DPYD: variants seen among roughly 807,000 people sequenced by gnomAD.
DPYD encodes the protein dihydropyrimidine dehydrogenase [NADP(+)].
Under a neutral mutation model 116.2 loss-of-function variants are expected in DPYD, and 109 were observed. The ratio of observed to expected loss-of-function variants is 0.94; its 90% CI spans 0.80 to 1.10. The LOEUF is 1.10. DPYD is among the 50% of genes least tolerant of loss of function. The pLI, the probability that DPYD is intolerant of heterozygous loss-of-function variation, is 0.00. For synonymous variants in DPYD, 440 were observed against 432.0 expected, an observed-to-expected ratio of 1.02 and a Z score of -0.23; for missense variants, 1,302 against 1,254.5, an observed-to-expected ratio of 1.04 and a Z score of -0.57.
chr1:97,909,920 A>T (rs912850135), intron 1 of DPYD, among the ~76,000 whole-genome samples: 3 of 152,192 alleles, frequency 2.0e-5, no homozygotes, highest in Non-Finnish European at 2.9e-5. Flanking sequence ...ATGCCATTAC[A>T]TATTAAATTT....
chr1:97,301,939 C>T (rs1194032347), intron 18 of DPYD, among the ~76,000 whole-genome samples: 4 of 151,714 alleles, frequency 2.6e-5, no homozygotes, highest in African/African-American at 9.7e-5. Context: ...CAAACTAAAA[C>T]AAGAAAAAAA....
chr1:97,242,124 GTA>G (rs71590220), intron 18 of DPYD, among the ~76,000 whole-genome samples: 802 of 35,770 alleles, frequency 0.022, 14 homozygotes, highest in Non-Finnish European at 0.028. Flanking sequence ...GTGTGCGTGT[GTA>G]TATATATATA....
At chr1:97,915,167 T>C (rs1674154204) in intron 1 of DPYD, among the ~76,000 whole-genome samples, 1 of 152,044 alleles carries the variant, frequency 6.6e-6, no homozygotes, top group Non-Finnish European at 1.5e-5. Flanking sequence ...GAAGAAGAAA[T>C]GGCAGTCCAA....
intron 8 of DPYD, among the ~76,000 whole-genome samples, chr1:97,655,038 C>T (rs906744576): frequency 2.0e-5 from 3 of 152,122 alleles, no homozygotes; most frequent in Admixed American, 6.6e-5. Flanking sequence ...TCTCCCACCC[C>T]GTCCCTCTCA....
intron 5 of DPYD, chr1:97,720,276 A>T (rs757686238): frequency 6.1e-6 from 6 of 985,232 alleles, no homozygotes; most frequent in Non-Finnish European, 7.2e-6. Flanking sequence ...GTTGATATAC[A>T]TACTATGTGA....
At chr1:97,810,254 T>A (rs1431191443) in intron 3 of DPYD, among the ~76,000 whole-genome samples, 4 of 117,202 alleles carry the variant, frequency 3.4e-5, no homozygotes, top group African/African-American at 1.3e-4. Context: ...GCCACTGCAC[T>A]CCAGCCTGGG....
intron 18 of DPYD, among the ~76,000 whole-genome samples, chr1:97,270,461 T>C (rs1481354626): frequency 6.6e-6 from 1 of 152,174 alleles, no homozygotes; most frequent in Non-Finnish European, 1.5e-5. Context: ...CTGTGAAAGA[T>C]CATTAACTAC....
At chr1:97,640,292 A>G (rs764985073) in intron 8 of DPYD, among the ~76,000 whole-genome samples, 7 of 151,444 alleles carry the variant, frequency 4.6e-5, no homozygotes, top group Non-Finnish European at 8.8e-5. Context: ...TTTACTTACA[A>G]ATTTCTTTTA....
intron 13 of DPYD, among the ~76,000 whole-genome samples, chr1:97,501,792 G>A (rs1407981177): frequency 1.3e-5 from 2 of 151,922 alleles, no homozygotes; most frequent in South Asian, 2.1e-4. Flanking sequence ...GCGTTTTTTA[G>A]TTTTCTTTGA....
chr1:97,373,001 A>C (rs1671385027), intron 16 of DPYD, among the ~76,000 whole-genome samples: 1 of 152,208 alleles, frequency 6.6e-6, no homozygotes, highest in Admixed American at 6.5e-5. Context: ...CTATATATTA[A>C]CATATTATTT....
intron 20 of DPYD, among the ~76,000 whole-genome samples, chr1:97,170,620 C>A (rs1245752845): frequency 6.6e-6 from 1 of 151,894 alleles, no homozygotes; most frequent in Non-Finnish European, 1.5e-5. Context: ...CCCTGAAGGT[C>A]TTCTCTTCTT....
At chr1:97,464,495 G>T (rs973731136) in intron 13 of DPYD, among the ~76,000 whole-genome samples, 1 of 152,094 alleles carries the variant, frequency 6.6e-6, no homozygotes, top group Non-Finnish European at 1.5e-5. Flanking sequence ...GGAAAAAATG[G>T]TTTCATGGGC....
At chr1:97,767,539 A>G (rs1484189012) in intron 3 of DPYD, among the ~76,000 whole-genome samples, 2 of 152,164 alleles carry the variant, frequency 1.3e-5, no homozygotes, top group African/African-American at 4.8e-5. Context: ...GCGACTCCTA[A>G]TTTGTCTGAC....
chr1:97,764,077 G>A (rs763383787), intron 3 of DPYD, among the ~76,000 whole-genome samples: 44 of 151,840 alleles, frequency 2.9e-4, no homozygotes, highest in Non-Finnish European at 5.0e-4. Flanking sequence ...GGCATGAGAC[G>A]GGAGGAAAGA....
chr1:97,700,386 T>C, intron 5 of DPYD: 1 of 412,340 alleles, frequency 2.4e-6, no homozygotes, highest in South Asian at 1.8e-5. Flanking sequence ...CAGAAAACCC[T>C]ATGGTCCAGG....
intron 14 of DPYD, among the ~76,000 whole-genome samples, chr1:97,391,250 C>T (rs986197394): frequency 2.6e-5 from 4 of 151,864 alleles, no homozygotes; most frequent in Admixed American, 6.6e-5. Context: ...CATCTTTTTC[C>T]TAAGTGCAAG....
At chr1:97,416,536 A>G (rs1381638333) in intron 14 of DPYD, among the ~76,000 whole-genome samples, 1 of 152,204 alleles carries the variant, frequency 6.6e-6, no homozygotes, top group Admixed American at 6.5e-5. Context: ...ACATGCTTCC[A>G]TCAGAAATGG....
intron 14 of DPYD, among the ~76,000 whole-genome samples, chr1:97,421,685 C>T (rs1286246687): frequency 6.6e-6 from 1 of 152,156 alleles, no homozygotes; most frequent in Non-Finnish European, 1.5e-5. Flanking sequence ...GAGACACAGG[C>T]ACCCTGTCTC....
chr1:97,622,505 T>G (rs1656689609), intron 8 of DPYD, among the ~76,000 whole-genome samples: 1 of 151,976 alleles, frequency 6.6e-6, no homozygotes, highest in African/African-American at 2.4e-5. Context: ...AAATATAACT[T>G]GGGATCTTGG....
Sources: allele counts gnomAD v4.1 joint callset (sites outside exome capture counted in the v4.1 genomes callset), GRCh38; gene constraint gnomAD v4.1.1; transcripts MANE v1.5; gene names NCBI Gene and HGNC (gene_info 2026-07-23, HGNC 2026-07-21).